LRCH3: variants seen among roughly 807,000 people sequenced by gnomAD.
The protein encoded by LRCH3 is DISP complex protein LRCH3.
LRCH3 carries 68 observed loss-of-function variants against 104.5 expected under a neutral mutation model. The observed-to-expected ratio is 0.65, with a 90% CI of 0.54 to 0.80. The LOEUF is 0.80. Ranked by LOEUF, LRCH3 falls within the 30% of genes least tolerant of loss-of-function variation. The probability of loss-of-function intolerance (pLI) is 0.00; values close to 1 mark genes in which losing one functional copy is unlikely to be tolerated. For missense variants in LRCH3, 951 were observed against 953.9 expected (o/e 1.00, Z 0.04); for synonymous variants, 344 against 361.3 (o/e 0.95, Z 0.54).
intron 5 of LRCH3, among the ~76,000 whole-genome samples, chr3:197,828,003 G>A (rs1735432806): frequency 6.6e-6 from 1 of 151,440 alleles, no homozygotes; most frequent in African/African-American, 2.4e-5. Flanking sequence ...CTTGAACCCA[G>A]GAGGTGGAGG....
At chr3:197,813,161 C>T (rs377624549) in intron 1 of LRCH3, among the ~76,000 whole-genome samples, 2 of 152,158 alleles carry the variant, frequency 1.3e-5, no homozygotes, top group East Asian at 3.8e-4. Flanking sequence ...TAGAGCCATA[C>T]AATGTGTAAT....
At chr3:197,820,500 A>G in intron 4 of LRCH3, 70 bp downstream of exon 4, 1 of 1,092,800 alleles carries the variant, frequency 9.2e-7, no homozygotes, top group South Asian at 1.3e-5. Context: ...CAGACCAATC[A>G]AGACAAAAAT....
chr3:197,866,468 C>T (rs558927010), intron 17 of LRCH3, among the ~76,000 whole-genome samples: 21 of 152,216 alleles, frequency 1.4e-4, no homozygotes, highest in African/African-American at 4.8e-4. Context: ...AATGCGCTTT[C>T]GAGGCTTTAG....
At chr3:197,841,489 A>G (rs1453129372) in intron 10 of LRCH3, among the ~76,000 whole-genome samples, 1 of 152,134 alleles carries the variant, frequency 6.6e-6, no homozygotes, top group Non-Finnish European at 1.5e-5. Context: ...CAACCTGGAT[A>G]ATCTCCCCAT....
intron 2 of LRCH3, among the ~76,000 whole-genome samples, chr3:197,815,843 A>G (rs780293976): frequency 6.6e-5 from 10 of 152,336 alleles, no homozygotes; most frequent in Middle Eastern, 3.4e-3. Context: ...GTGGAAAAAT[A>G]TAAAGGAAAT....
At chr3:197,791,669 G>C (rs1730530233) in intron 1 of LRCH3, 129 bp downstream of exon 1, 4 of 1,096,460 alleles carry the variant, frequency 3.6e-6, no homozygotes, top group Non-Finnish European at 3.7e-6. Context: ...CCCGGGTAAC[G>C]GGGAGAAGCC....
chr3:197,883,591 G>T lies in LRCH3; in HGVS notation c.2259G>T (p.Gln753His). 6.5e-7 allele frequency: 1 copy of T among 1,536,110 alleles called. No homozygotes were observed. Among genetic ancestry groups the T allele is most frequent in the Non-Finnish European group, 8.7e-7 (1 of 1,146,890 alleles). Residue 753 changes from glutamine (Q) to histidine (H), a missense_variant, in exon 21 of 21, where the codon CAG becomes CAT. Transcript: ENST00000425562. The surrounding 1 kb of genome is among the most constrained non-coding windows in gnomAD (Gnocchi z 4.2). ...LHILEEKGLS[Q>H]VAVTVQALLE... Reference sequence around the variant, plus strand: ...TTTTAGAAGAGAAAGGTTTGAGCCAGGTTGCAGTGACGGTCCAGGCTCTCC... The same window carrying T: ...TTTTAGAAGAGAAAGGTTTGAGCCATGTTGCAGTGACGGTCCAGGCTCTCC...
rs138605392 is a variant in LRCH3, at chr3:197,846,459, G to A, written c.1329-950G>A. Among the ~76,000 whole-genome samples the A allele has an allele frequency of 3.3e-3, 495 of 151,426 alleles. 4 individuals carry two copies. Among genetic ancestry groups the A allele is most frequent in the Non-Finnish European group, 5.2e-3 (350 of 67,900 alleles). ...CGCCTGTAATCCAATTACTTTAGGA[G>A]GCTGAGGTGGGAGGATGGCTTGAGG... On this transcript the variant is annotated intron_variant, in intron 10 of 20. Coordinates refer to ENST00000425562, the MANE Select transcript of LRCH3 (RefSeq NM_001365715.1).
At chr3:197,852,418 C>A (rs536093521) in intron 12 of LRCH3, 143 bp from the exon 13 acceptor site, 1 of 746,770 alleles carries the variant, frequency 1.3e-6, no homozygotes, top group African/African-American at 1.8e-5. Flanking sequence ...TAAACATTTT[C>A]TAACTAGTAA....
rs1161786907 is a variant in LRCH3 at position 197,854,569 on chromosome 3, TA to T, written c.1644+127del. ...CATTACTAAATGCTTTATGAAGAACTAAACCATTTTCCCACATGACCATTTG... is the reference window on the plus strand; with the variant it reads ...CATTACTAAATGCTTTATGAAGAACTAACCATTTTCCCACATGACCATTTG... On this transcript the variant is annotated intron_variant, in intron 14 of 20. Transcript: ENST00000425562. This position sits in a 1 kb window ranked among gnomAD's most constrained non-coding sequence, Gnocchi z 4.5. 1.1e-6 allele frequency: 1 copy of T among 934,012 alleles called. No individual in the cohort carries two copies. Among genetic ancestry groups the T allele is most frequent in the East Asian group, 2.5e-5 (1 of 39,386 alleles). 57.9% of individuals were successfully genotyped at this position (934,012 alleles called of 1,614,324 possible). A position where few individuals can be genotyped will look rare whatever the true frequency, so the allele number is the denominator to read the frequency against.
chr3:197,825,124 T>G (rs920584569), intron 4 of LRCH3, among the ~76,000 whole-genome samples: 24 of 152,218 alleles, frequency 1.6e-4, no homozygotes, highest in African/African-American at 5.5e-4. Flanking sequence ...CTTTCCACTT[T>G]CAGTGTTTAA....
Position 197,839,332 on chromosome 3 carries a change from A to G in LRCH3, c.1263A>G (p.Val421=). ...QRRISHEGSP[V]KPVAIREFQK... Reference sequence around the variant, plus strand: ...GTCCTCTGGCCTAGGGTTCACCAGTAAAGCCAGTAGCCATTAGGGAGTTTC... The same window carrying G: ...GTCCTCTGGCCTAGGGTTCACCAGTGAAGCCAGTAGCCATTAGGGAGTTTC... The change falls in exon 10 of 21, where the codon GTA becomes GTG. Residue 421 remains valine, a synonymous_variant. Coordinates refer to ENST00000425562, the MANE Select transcript of LRCH3 (RefSeq NM_001365715.1). 1 of 1,595,992 alleles carries G rather than the reference A, an allele frequency of 6.3e-7. No individual in the cohort carries two copies. The highest frequency in any genetic ancestry group is 8.5e-7 in the Non-Finnish European group (1 of 1,173,578).
chr3:197,833,634 T>C (rs958021188), intron 8 of LRCH3, among the ~76,000 whole-genome samples: 1 of 152,174 alleles, frequency 6.6e-6, no homozygotes, highest in Non-Finnish European at 1.5e-5. Flanking sequence ...AAAAAGCGTG[T>C]AAAATAGTAA....
chr3:197,880,170 C>G lies in LRCH3; in HGVS notation c.2209-3371C>G, dbSNP rs193128157. Among the ~76,000 whole-genome samples the G allele has an allele frequency of 2.0e-5, 3 of 152,000 alleles. No homozygotes were observed. The East Asian group carries it at 5.8e-4, about 29-fold the overall frequency. On this transcript the variant is annotated intron_variant, in intron 20 of 20. Transcript: ENST00000425562. ...CCGTGTTAGCCGGGATGGTCTCGAT[C>G]TCCTGACCTCGTGATCCACCCGCCT...
Position 197,791,547 on chromosome 3 carries a change from G to A in LRCH3, c.262+7G>A. The A allele has an allele frequency of 1.3e-6, 2 of 1,547,072 alleles. No individual in the cohort carries two copies. Among genetic ancestry groups the A allele is most frequent in the Non-Finnish European group, 1.7e-6 (2 of 1,153,538 alleles). ...ACGGACACCACCCGGGCGGGTGAGC[G>A]GGGCGGGGGGCGTCTCTGCCCGTCG... On this transcript the variant is annotated splice_region_variant and intron_variant, in intron 1 of 20. Coordinates refer to ENST00000425562, the MANE Select transcript of LRCH3 (RefSeq NM_001365715.1).
chr3:197,828,073 T>A, intron 5 of LRCH3, among the ~76,000 whole-genome samples: 1 of 49,366 alleles, frequency 2.0e-5, no homozygotes, highest in African/African-American at 1.1e-4. Context: ...TGAGACTCCG[T>A]CTCAAAAAAA....
At chr3:197,862,700 C>A (rs1003523103) in intron 15 of LRCH3, among the ~76,000 whole-genome samples, 1 of 152,138 alleles carries the variant, frequency 6.6e-6, no homozygotes, top group African/African-American at 2.4e-5. Flanking sequence ...TGGCTTTTGC[C>A]TCATTTACCT....
chr3:197,869,971 G>A (rs186963118), intron 17 of LRCH3, among the ~76,000 whole-genome samples, 189 bp from the exon 18 acceptor site: 122 of 144,598 alleles, frequency 8.4e-4, no homozygotes, highest in African/African-American at 3.0e-3. Flanking sequence ...GGTAGAAAGC[G>A]ATGCACTGTA....
intron 15 of LRCH3, among the ~76,000 whole-genome samples, chr3:197,861,732 T>C (rs760122059): frequency 6.6e-6 from 1 of 152,112 alleles, no homozygotes; most frequent in Non-Finnish European, 1.5e-5. Context: ...AGTTCTGGGT[T>C]TTTTTTTCTT....
Sources: gnomAD v4.1 joint callset for allele counts (sites outside exome capture counted in the v4.1 genomes callset) on GRCh38, gnomAD v4.1.1 for gene constraint, Gnocchi (gnomAD v3.1) non-coding constraint, MANE v1.5 for transcripts, NCBI Gene and HGNC (gene_info 2026-07-23, HGNC 2026-07-21) for gene names.